The following DIAPH2 variants were observed in gnomAD, a reference collection of about 807,000 sequenced individuals.
DIAPH2 encodes the protein protein diaphanous homolog 2.
A neutral mutation model predicts 92.7 loss-of-function variants in DIAPH2; 35 were observed. The observed-to-expected ratio is 0.38, with a 90% confidence interval of 0.29 to 0.50. DIAPH2 has a LOEUF of 0.50. Ranked by LOEUF, DIAPH2 falls within the 20% of genes least tolerant of loss-of-function variation. The pLI is 0.94. For missense variants in DIAPH2, 701 were observed against 819.5 expected, an observed-to-expected ratio of 0.86 and a Z score of 1.77; for synonymous variants, 301 against 280.4, an observed-to-expected ratio of 1.07 and a Z score of -0.73.
chrX:97,395,326 C>T (rs1020929369), intron 25 of DIAPH2, among the ~76,000 whole-genome samples: 4 of 111,561 alleles, frequency 3.6e-5, no homozygotes, highest in African/African-American at 1.3e-4. Context: ...CTCCCAACCA[C>T]CTCCGCCCAC....
At chrX:97,343,116 T>A (rs1462937708) in intron 23 of DIAPH2, among the ~76,000 whole-genome samples, 1 of 111,669 alleles carries the variant, frequency 9.0e-6, no homozygotes, top group Non-Finnish European at 1.9e-5. Context: ...TAGAAAGTTA[T>A]TAGAGGGTTT....
intron 21 of DIAPH2, among the ~76,000 whole-genome samples, chrX:97,140,025 T>A (rs12840546): frequency 0.39 from 42,063 of 106,599 alleles, 7,358 homozygotes; most frequent in Non-Finnish European, 0.54. Flanking sequence ...TGTTCTTTTT[T>A]AAAAAAAAAA....
In DIAPH2 at chrX:96,814,565, G is replaced by A. The variant is rs184101090; in HGVS notation, c.447+56307G>A. ...GTCATTCTCCATCCAGTTTTGTTCC[G>A]TTGCTGTCTAGGAGCTGCAATTCCT... On this transcript the variant is annotated intron_variant, in intron 4 of 26. Coordinates refer to ENST00000324765, the MANE Select transcript of DIAPH2 (RefSeq NM_006729.5). Among the ~76,000 whole-genome samples the A allele has an allele frequency of 2.7e-4, 30 of 112,002 alleles. 1 individual carries two copies. Among genetic ancestry groups the A allele is most frequent in the Admixed American group, 2.3e-3 (24 of 10,557 alleles).
chrX:96,861,974 A>G (rs2065075114), intron 4 of DIAPH2, among the ~76,000 whole-genome samples: 2 of 111,897 alleles, frequency 1.8e-5, no homozygotes, highest in Admixed American at 1.9e-4. Context: ...GCTTTCTCTT[A>G]TGATCTCTTG....
At position 96,939,271 on chromosome X, in the gene DIAPH2, T is replaced by G. The variant is rs1256095397; in HGVS notation, c.1214T>G (p.Met405Arg). ...ATTTTTCCTTTACTTTCTACTGATA[T>G]GAATGAAGTCTACCATCTTCTATAT... is the stretch of plus-strand genomic sequence containing the variant. The part of the protein sequence containing the change: ...LNDIRAEMDD[M>R]NEVYHLLYNM... The change falls in exon 12 of 27, where the codon ATG (methionine) becomes AGG (arginine). Residue 405 changes from methionine (M) to arginine (R), a missense_variant. By Grantham distance (91) the Met-to-Arg change is moderately conservative. Coordinates refer to ENST00000324765, the MANE Select transcript of DIAPH2 (RefSeq NM_006729.5). The G allele has an allele frequency of 1.0e-6, 1 of 987,469 alleles. No individual in the cohort carries two copies. 81.4% of individuals were successfully genotyped at this position (987,469 alleles called of 1,213,427 possible). A position where few individuals can be genotyped will look rare whatever the true frequency, so the allele number is the denominator to read the frequency against.
intron 26 of DIAPH2, among the ~76,000 whole-genome samples, chrX:97,491,340 A>T (rs1367547968): frequency 9.0e-6 from 1 of 111,633 alleles, no homozygotes; most frequent in Admixed American, 9.5e-5. Context: ...ATATAATTAG[A>T]TATTGTTTAT....
intron 23 of DIAPH2, among the ~76,000 whole-genome samples, chrX:97,343,005 G>A (rs1216234092): frequency 8.9e-6 from 1 of 111,743 alleles, no homozygotes. Context: ...GTACTTTAAA[G>A]GGAGAATGGC....
At chrX:97,441,122 G>T (rs1300357353) in intron 26 of DIAPH2, among the ~76,000 whole-genome samples, 1 of 111,959 alleles carries the variant, frequency 8.9e-6, no homozygotes, top group African/African-American at 3.2e-5. Context: ...CGATAAGAAA[G>T]GGGTAGAAGT....
intron 17 of DIAPH2, among the ~76,000 whole-genome samples, chrX:97,059,426 A>C (rs1311666984): frequency 9.0e-6 from 1 of 111,454 alleles, no homozygotes; most frequent in Non-Finnish European, 1.9e-5. Flanking sequence ...CAGTTCCACG[A>C]AATCTAAGTG....
At chrX:97,070,838 T>C (rs2066664682) in intron 17 of DIAPH2, among the ~76,000 whole-genome samples, 1 of 111,675 alleles carries the variant, frequency 9.0e-6, no homozygotes. Flanking sequence ...AATCTTAATT[T>C]TAAACAATTT....
chrX:97,098,893 T>A (rs1307573343), intron 19 of DIAPH2, among the ~76,000 whole-genome samples: 1 of 112,643 alleles, frequency 8.9e-6, no homozygotes, highest in East Asian at 2.8e-4. Context: ...TCATCAAATT[T>A]GAGCATGCAT....
intron 22 of DIAPH2, among the ~76,000 whole-genome samples, chrX:97,204,693 C>T (rs1049069928): frequency 4.5e-5 from 5 of 111,910 alleles, no homozygotes; most frequent in African/African-American, 1.6e-4. Context: ...AATGGGAAAA[C>T]AGCCCATGCT....
intron 4 of DIAPH2, among the ~76,000 whole-genome samples, chrX:96,796,686 TTTTC>T (rs1230643502): frequency 8.9e-6 from 1 of 111,967 alleles, no homozygotes; most frequent in Non-Finnish European, 1.9e-5. Flanking sequence ...ATTGTATACT[TTTTC>T]TATAAGCACC....
At chrX:96,782,639 G>A (rs1389560480) in intron 4 of DIAPH2, among the ~76,000 whole-genome samples, 3 of 111,392 alleles carry the variant, frequency 2.7e-5, no homozygotes, top group Non-Finnish European at 3.8e-5. Flanking sequence ...TCGCCATGTT[G>A]CCCAGGCTGG....
chrX:96,900,588 T>C (rs1268815661), intron 5 of DIAPH2, among the ~76,000 whole-genome samples: 1 of 111,527 alleles, frequency 9.0e-6, no homozygotes, highest in Non-Finnish European at 1.9e-5. Context: ...TGGCTTTGGG[T>C]TGGTCATATA....
intron 23 of DIAPH2, among the ~76,000 whole-genome samples, chrX:97,267,118 C>G (rs748197361): frequency 8.9e-6 from 1 of 111,870 alleles, no homozygotes; most frequent in African/African-American, 3.2e-5. Flanking sequence ...TTTTCTTACA[C>G]AGGATGCTGC....
At chrX:97,308,804 G>A (rs1046684332) in intron 23 of DIAPH2, among the ~76,000 whole-genome samples, 8 of 105,480 alleles carry the variant, frequency 7.6e-5, no homozygotes, top group African/African-American at 2.7e-4. Context: ...TGTATTTTTA[G>A]TAGAGACGGG....
rs1312342605 is a variant in DIAPH2 at position 96,916,493 on chromosome X, C to G, written c.788C>G (p.Ala263Gly). Residue 263 changes from alanine to glycine, a missense_variant, in exon 8 of 27, where the codon GCA becomes GGA. Physicochemically the swap from Ala to Gly is moderately conservative, Grantham distance 60 (BLOSUM62 0). This residue lies in a region of DIAPH2 where 34 missense variants were observed against 74.7 expected (regional missense o/e 0.46). Coordinates refer to ENST00000324765, the MANE Select transcript of DIAPH2 (RefSeq NM_006729.5). ...DERSLLLLAR[A>G]IDPKQPNMMT... ...AGAAGTCTTTTACTATTGGCAAGAG[C>G]AATTGACCCCAAACAACCCAACATG... 2 of 1,194,572 alleles carry G rather than the reference C, an allele frequency of 1.7e-6. No individual in the cohort carries two copies. The highest frequency in any genetic ancestry group is 3.7e-5 in the South Asian group (2 of 54,508).
chrX:96,738,685 G>A lies in DIAPH2; in HGVS notation c.265G>A (p.Ala89Thr). The change falls in exon 3 of 27, where the codon GCA becomes ACA. Residue 89 changes from alanine (A) to threonine (T), a missense_variant. Coordinates refer to ENST00000324765, the MANE Select transcript of DIAPH2 (RefSeq NM_006729.5). ...DSQVAMSEFP[A>T]AQPLYDERSL... Reference sequence around the variant, plus strand: ...TCAAGTCGCGATGAGTGAGTTTCCTGCAGCTCAGCCATTATATGATGAACG... The same window carrying A: ...TCAAGTCGCGATGAGTGAGTTTCCTACAGCTCAGCCATTATATGATGAACG... 8.3e-7 allele frequency: 1 copy of A among 1,209,220 alleles called. No individual in the cohort carries two copies. The highest frequency in any genetic ancestry group is 1.7e-5 in the African/African-American group (1 of 57,659).
Sources: allele counts gnomAD v4.1 joint callset (sites outside exome capture counted in the v4.1 genomes callset), GRCh38; gene constraint gnomAD v4.1.1; regional missense constraint gnomAD v4.1.1; transcripts MANE v1.5; gene names NCBI Gene and HGNC (gene_info 2026-07-23, HGNC 2026-07-21).